The following PCNX1 variants were observed in gnomAD, a reference collection of about 807,000 sequenced individuals.
PCNX1 encodes the protein pecanex 1.
PCNX1 carries 78 observed loss-of-function variants against 242.2 expected under a neutral mutation model. The ratio of observed to expected loss-of-function variants is 0.32; its 90% CI spans 0.27 to 0.39. PCNX1 has a LOEUF of 0.39. PCNX1 is among the 10% of genes least tolerant of loss of function. PCNX1 has a pLI of 1.00. For synonymous variants in PCNX1, 1,024 were observed against 1,032.9 expected (o/e 0.99, Z 0.17); for missense variants, 2,581 against 2,856.5 (o/e 0.90, Z 2.20).
chr14:71,090,875 CT>C (rs1222041459), intron 30 of PCNX1, among the ~76,000 whole-genome samples: 1 of 152,208 alleles, frequency 6.6e-6, no homozygotes, highest in Non-Finnish European at 1.5e-5. Context: ...GTGCCTGCCC[CT>C]AGTCTCTCCT....
chr14:71,004,363 G>A (rs1468028780), intron 8 of PCNX1, among the ~76,000 whole-genome samples: 1 of 152,260 alleles, frequency 6.6e-6, no homozygotes, highest in African/African-American at 2.4e-5. Flanking sequence ...ACAGCAGGAG[G>A]TGAGCAGGGT....
intron 34 of PCNX1, 149 bp from the exon 35 acceptor site, chr14:71,109,303 T>C: frequency 1.3e-6 from 1 of 797,134 alleles, no homozygotes; most frequent in Non-Finnish European, 2.0e-6. Context: ...TGAAAAGAAT[T>C]CAAGATGTAG....
At chr14:71,108,134 T>C (rs1029975982) in intron 33 of PCNX1, among the ~76,000 whole-genome samples, 3 of 152,192 alleles carry the variant, frequency 2.0e-5, no homozygotes, top group African/African-American at 7.2e-5. Context: ...CATTCTACTC[T>C]CTGCTTCTGT....
At chr14:70,969,219 A>G (rs761602414) in intron 5 of PCNX1, 109 bp downstream of exon 5, 12 of 701,242 alleles carry the variant, frequency 1.7e-5, no homozygotes, top group Non-Finnish European at 2.3e-5. Context: ...TTAATATGAT[A>G]TTTAAGGAAA....
intron 16 of PCNX1, among the ~76,000 whole-genome samples, chr14:71,029,222 T>C (rs1336771680): frequency 2.6e-5 from 4 of 152,134 alleles, no homozygotes; most frequent in African/African-American, 9.6e-5. Context: ...AAATTTAACG[T>C]CATTATTGGG....
At chr14:70,924,303 A>G (rs1179765881) in intron 1 of PCNX1, among the ~76,000 whole-genome samples, 2 of 151,998 alleles carry the variant, frequency 1.3e-5, no homozygotes. Flanking sequence ...ATATTTTAAA[A>G]GAAATCTGGT....
chr14:70,977,073 A>C lies in PCNX1; in HGVS notation c.736A>C (p.Asn246His). 3.1e-6 allele frequency: 5 copies of C among 1,614,156 alleles called. No individual in the cohort carries two copies. Among genetic ancestry groups the C allele is most frequent in the Non-Finnish European group, 3.4e-6 (4 of 1,179,990 alleles). ...TGACAAAGTGAACCTGCCAAGTCAT[A>C]ACCACCACCACCATGTTGATCAGTC... ...FSDKVNLPSH[N>H]HHHHVDQSLS... The change falls in exon 6 of 36, where the codon AAC (asparagine) becomes CAC (histidine). Residue 246 changes from asparagine to histidine, a missense_variant. Physicochemically the swap from Asn to His is moderately conservative, Grantham distance 68. Around this residue, in one of 9 missense-constraint regions of PCNX1, gnomAD observed 1,204 missense variants for 1,216.7 expected, o/e 0.99. Coordinates refer to ENST00000304743, the MANE Select transcript of PCNX1 (RefSeq NM_014982.3).
intron 26 of PCNX1, among the ~76,000 whole-genome samples, chr14:71,066,686 T>C (rs201008875): frequency 8.5e-5 from 13 of 152,290 alleles, no homozygotes; most frequent in Admixed American, 2.0e-4. Context: ...TGTCTTGTGC[T>C]GGTTTTCAAA....
chr14:70,988,632 G>A lies in PCNX1; in HGVS notation c.2377G>A (p.Val793Ile). The A allele has an allele frequency of 6.2e-7, 1 of 1,614,128 alleles. No homozygotes were observed. Among genetic ancestry groups the A allele is most frequent in the South Asian group, 1.1e-5 (1 of 91,090 alleles). The stretch of plus-strand genomic sequence containing the variant: ...ACGCAGCACATTTAGGCGCCAGGCA[G>A]TACGGCGCCGGCACAATGCAGGGAG... Reference protein sequence around the residue: ...RERSTFRRQAVRRRHNAGSNP... With the variant: ...RERSTFRRQAIRRRHNAGSNP... Residue 793 changes from valine to isoleucine, a missense_variant, in exon 7 of 36, where the codon GTA becomes ATA. By Grantham distance (29) the Val-to-Ile change is conservative. Around this residue, in one of 9 missense-constraint regions of PCNX1, gnomAD observed 1,204 missense variants for 1,216.7 expected, o/e 0.99. Coordinates refer to ENST00000304743, the MANE Select transcript of PCNX1 (RefSeq NM_014982.3).
chr14:70,991,962 G>A (rs962469953), intron 7 of PCNX1, among the ~76,000 whole-genome samples: 1 of 152,188 alleles, frequency 6.6e-6, no homozygotes, highest in African/African-American at 2.4e-5. Context: ...TAAAATATAT[G>A]TCCCCAAGGA....
chr14:71,105,441 G>C lies in PCNX1; in HGVS notation c.6301+1G>C. On this transcript the variant is annotated splice_donor_variant, in intron 33 of 35. Transcript: ENST00000304743. LOFTEE classifies it high-confidence loss of function. ...GTCACATCTTATCCTCCAACACTAG[G>C]TAATGTGAAACAAAGTTATATGTCT... The C allele has an allele frequency of 6.2e-7, 1 of 1,610,436 alleles. No individual in the cohort carries two copies. The highest frequency in any genetic ancestry group is 8.5e-7 in the Non-Finnish European group (1 of 1,176,724).
At chr14:70,930,405 CTA>C (rs2056753163) in intron 1 of PCNX1, among the ~76,000 whole-genome samples, 1 of 152,074 alleles carries the variant, frequency 6.6e-6, no homozygotes, top group South Asian at 2.1e-4. Flanking sequence ...GTTGCATGTG[CTA>C]TGTTATTTTA....
chr14:71,021,881 A>T (rs2060111675), intron 12 of PCNX1, among the ~76,000 whole-genome samples: 1 of 151,866 alleles, frequency 6.6e-6, no homozygotes, highest in Non-Finnish European at 1.5e-5. Flanking sequence ...TCTAGGACTT[A>T]TGTGGTTATC....
chr14:71,002,865 C>T (rs919849596), intron 8 of PCNX1, among the ~76,000 whole-genome samples: 5 of 152,040 alleles, frequency 3.3e-5, no homozygotes, highest in African/African-American at 7.2e-5. Flanking sequence ...CCAGTAGTTC[C>T]CTTTCTTGCC....
intron 3 of PCNX1, among the ~76,000 whole-genome samples, chr14:70,966,190 G>A (rs1290686344): frequency 1.3e-5 from 2 of 152,134 alleles, no homozygotes; most frequent in Admixed American, 6.5e-5. Context: ...GAAGCATAAT[G>A]CAGAAAAGTA....
chr14:71,033,321 T>G (rs2060442579), intron 16 of PCNX1, 108 bp from the exon 17 acceptor site: 3 of 580,604 alleles, frequency 5.2e-6, no homozygotes, highest in Middle Eastern at 3.1e-4. Context: ...CTAAAAACTT[T>G]TGTTGAATTT....
intron 1 of PCNX1, among the ~76,000 whole-genome samples, chr14:70,921,045 T>C (rs1231475676): frequency 1.3e-5 from 2 of 152,212 alleles, no homozygotes; most frequent in African/African-American, 2.4e-5. Flanking sequence ...TTAAGTATTC[T>C]AATTTATCTA....
At position 71,112,101 on chromosome 14, in the gene PCNX1, A is replaced by G. The variant is rs2062763635; in HGVS notation, c.*2166A>G. The G allele has an allele frequency of 6.6e-6, 1 of 152,450 alleles. No individual in the cohort carries two copies. The highest frequency in any genetic ancestry group is 1.5e-5 in the Non-Finnish European group (1 of 67,932). The allele number at this position is 152,450 out of a possible 1,614,324, so 9.4% of individuals were successfully genotyped here. On this transcript the variant is annotated 3_prime_UTR_variant, in exon 36 of 36. Coordinates refer to ENST00000304743, the MANE Select transcript of PCNX1 (RefSeq NM_014982.3). ...TTTCTGAAGTGAATATGATCTTTTC[A>G]TGGTCATTGCCTAGATAAAAGTAGA...
At chr14:71,073,872 T>C in intron 27 of PCNX1, 74 bp downstream of exon 27, 13 of 1,007,444 alleles carry the variant, frequency 1.3e-5, no homozygotes, top group Non-Finnish European at 1.8e-5. Context: ...TAAGTATATA[T>C]ATATGTATAT....
Sources: gnomAD v4.1 joint callset for allele counts (sites outside exome capture counted in the v4.1 genomes callset) on GRCh38, gnomAD v4.1.1 for gene constraint, gnomAD v4.1.1 regional missense constraint, MANE v1.5 for transcripts, NCBI Gene and HGNC (gene_info 2026-07-23, HGNC 2026-07-21) for gene names.